Variants in MGAT4C observed in about 807,000 individuals in gnomAD.
The protein encoded by MGAT4C is alpha-1,3-mannosyl-glycoprotein 4-beta-N-acetylglucosaminyltransferase C.
In MGAT4C, 19 loss-of-function variants were observed where a neutral mutation model predicts 40.1. That is an observed-to-expected ratio of 0.47 (90% CI 0.33 to 0.70). The LOEUF (loss-of-function observed/expected upper bound fraction) is 0.70, where lower values mean the gene tolerates loss of function less well. MGAT4C is among the 30% of genes least tolerant of loss of function. MGAT4C has a pLI of 0.02. For missense variants in MGAT4C, 491 were observed against 563.2 expected, an observed-to-expected ratio of 0.87 and a Z score of 1.30; for synonymous variants, 181 against 187.1, an observed-to-expected ratio of 0.97 and a Z score of 0.27.
chr12:86,762,947 A>T (rs560169010), intron 1 of MGAT4C, among the ~76,000 whole-genome samples: 1 of 151,950 alleles, frequency 6.6e-6, no homozygotes, highest in Non-Finnish European at 1.5e-5. Flanking sequence ...GTTATGACAC[A>T]TGTTTCTGTT....
intron 2 of MGAT4C, among the ~76,000 whole-genome samples, chr12:86,644,642 T>C (rs1434678509): frequency 1.3e-5 from 2 of 151,742 alleles, no homozygotes; most frequent in African/African-American, 4.8e-5. Flanking sequence ...CTTCATTGCA[T>C]TGCTGTTTTA....
chr12:86,665,816 T>G (rs901904295), intron 2 of MGAT4C, among the ~76,000 whole-genome samples: 1 of 152,208 alleles, frequency 6.6e-6, no homozygotes, highest in Non-Finnish European at 1.5e-5. Flanking sequence ...ACTGATCGTT[T>G]TCCTCAGGCA....
intron 3 of MGAT4C, among the ~76,000 whole-genome samples, chr12:86,373,786 T>C (rs1339495057): frequency 6.6e-6 from 1 of 151,932 alleles, no homozygotes; most frequent in Non-Finnish European, 1.5e-5. Flanking sequence ...GGTTGTTTAG[T>C]GGGCAATATC....
intron 1 of MGAT4C, among the ~76,000 whole-genome samples, chr12:86,092,410 A>G (rs182501342): frequency 1.4e-4 from 22 of 152,212 alleles, no homozygotes; most frequent in Admixed American, 1.0e-3. Context: ...GTTTTAAATT[A>G]CTATTATCCT....
chr12:86,141,606 G>A (rs17357025), intron 1 of MGAT4C, among the ~76,000 whole-genome samples: 12,915 of 152,128 alleles, frequency 0.085, 684 homozygotes, highest in Middle Eastern at 0.22. Flanking sequence ...TAGCTGTACA[G>A]AAAGGGTTTT....
At chr12:86,008,799 G>C (rs142499219) in intron 2 of MGAT4C, among the ~76,000 whole-genome samples, 1 of 152,172 alleles carries the variant, frequency 6.6e-6, no homozygotes, top group Non-Finnish European at 1.5e-5. Context: ...GGATTGATAA[G>C]GTTTGATATT....
chr12:86,629,732 T>A (rs537004800), intron 2 of MGAT4C, among the ~76,000 whole-genome samples: 6 of 152,166 alleles, frequency 3.9e-5, no homozygotes, highest in Admixed American at 1.3e-4. Flanking sequence ...CATACCAGAA[T>A]CCCTGGGACA....
At chr12:86,427,526 T>A (rs888127582) in intron 3 of MGAT4C, among the ~76,000 whole-genome samples, 1 of 152,056 alleles carries the variant, frequency 6.6e-6, no homozygotes, top group African/African-American at 2.4e-5. Flanking sequence ...ACAGACACAC[T>A]CTAGCACACA....
chr12:86,001,747 T>C (rs965836996), intron 2 of MGAT4C: 1 of 530,758 alleles, frequency 1.9e-6, no homozygotes, highest in Non-Finnish European at 2.4e-6. Flanking sequence ...GAGTGGGAAT[T>C]TACTTCTTGA....
At chr12:86,610,060 T>C (rs1312388985) in intron 2 of MGAT4C, among the ~76,000 whole-genome samples, 1 of 152,212 alleles carries the variant, frequency 6.6e-6, no homozygotes, top group Admixed American at 6.5e-5. Flanking sequence ...TTTTGAACTA[T>C]TTAACATTTA....
chr12:86,626,387 C>T (rs948921261), intron 2 of MGAT4C, among the ~76,000 whole-genome samples: 17 of 152,156 alleles, frequency 1.1e-4, no homozygotes, highest in South Asian at 2.1e-4. Flanking sequence ...TATAACCGAG[C>T]GGATGAAATA....
chr12:86,384,616 G>A (rs1329604454), intron 3 of MGAT4C, among the ~76,000 whole-genome samples: 1 of 152,194 alleles, frequency 6.6e-6, no homozygotes, highest in African/African-American at 2.4e-5. Context: ...CTTCCGTTGG[G>A]AGAATAACCT....
At chr12:86,675,626 T>C (rs1426699779) in intron 2 of MGAT4C, among the ~76,000 whole-genome samples, 4 of 152,206 alleles carry the variant, frequency 2.6e-5, no homozygotes, top group Middle Eastern at 3.2e-3. Flanking sequence ...TAGGATACAA[T>C]TGGTCTGAAA....
chr12:86,049,324 A>G (rs890860412), intron 2 of MGAT4C, among the ~76,000 whole-genome samples: 2 of 151,500 alleles, frequency 1.3e-5, no homozygotes, highest in Admixed American at 6.6e-5. Flanking sequence ...GTGTGTGTGT[A>G]CCTGCACAAG....
chr12:86,441,442 C>A (rs1366920615), intron 2 of MGAT4C, among the ~76,000 whole-genome samples: 2 of 151,472 alleles, frequency 1.3e-5, no homozygotes, highest in Non-Finnish European at 2.9e-5. Flanking sequence ...TGGTGTGCTG[C>A]ACCCATTAAC....
intron 1 of MGAT4C, among the ~76,000 whole-genome samples, chr12:86,248,476 AC>A (rs200808942): frequency 0.015 from 2,217 of 151,752 alleles, 32 homozygotes; most frequent in African/African-American, 0.035. Context: ...CCTATTTTCT[AC>A]CCTCAGAACC....
intron 1 of MGAT4C, among the ~76,000 whole-genome samples, chr12:86,110,630 G>A (rs182239482): frequency 2.0e-5 from 3 of 151,216 alleles, no homozygotes; most frequent in South Asian, 2.1e-4. Context: ...CCTTATAGTC[G>A]ATTTCTTCAG....
intron 2 of MGAT4C, among the ~76,000 whole-genome samples, chr12:86,680,778 A>C (rs1236032625): frequency 6.6e-6 from 1 of 152,032 alleles, no homozygotes; most frequent in Non-Finnish European, 1.5e-5. Flanking sequence ...GATATTACTG[A>C]ATGTGATAGG....
At chr12:86,458,353 T>G (rs535697273) in intron 2 of MGAT4C, among the ~76,000 whole-genome samples, 4 of 152,176 alleles carry the variant, frequency 2.6e-5, no homozygotes, top group Non-Finnish European at 2.9e-5. Context: ...TTCTCAAAAG[T>G]GCAATCAGCC....
Sources: gnomAD v4.1 joint callset for allele counts (sites outside exome capture counted in the v4.1 genomes callset) on GRCh38, gnomAD v4.1.1 for gene constraint, MANE v1.5 for transcripts, NCBI Gene and HGNC (gene_info 2026-07-23, HGNC 2026-07-21) for gene names.